Variants in CDKAL1 observed in about 807,000 individuals in gnomAD.
CDKAL1 encodes threonylcarbamoyladenosine tRNA methylthiotransferase.
CDKAL1 carries 32 observed loss-of-function variants against 68.2 expected under a neutral mutation model. That is an observed-to-expected ratio of 0.47 (90% CI 0.35 to 0.63). The LOEUF (loss-of-function observed/expected upper bound fraction) is 0.63, where lower values mean the gene tolerates loss of function less well. Ranked by LOEUF, CDKAL1 falls within the 30% of genes least tolerant of loss-of-function variation. The probability of loss-of-function intolerance (pLI) is 0.00; values close to 1 mark genes in which losing one functional copy is unlikely to be tolerated. For missense variants in CDKAL1, 606 were observed against 696.7 expected, an observed-to-expected ratio of 0.87 and a Z score of 1.47; for synonymous variants, 234 against 244.3, an observed-to-expected ratio of 0.96 and a Z score of 0.39.
intron 12 of CDKAL1, among the ~76,000 whole-genome samples, chr6:21,082,807 T>C (rs912515097): frequency 3.3e-5 from 5 of 152,038 alleles, no homozygotes; most frequent in Admixed American, 6.6e-5. Context: ...AATAATTGCA[T>C]ATATATAATG....
At chr6:20,576,180 A>C (rs909106774) in intron 4 of CDKAL1, among the ~76,000 whole-genome samples, 3 of 152,240 alleles carry the variant, frequency 2.0e-5, no homozygotes, top group African/African-American at 7.2e-5. Flanking sequence ...AAGAATAAAT[A>C]GCTGAGTTAT....
intron 9 of CDKAL1, among the ~76,000 whole-genome samples, chr6:20,905,556 T>C (rs1381571366): frequency 6.6e-6 from 1 of 152,244 alleles, no homozygotes; most frequent in Admixed American, 6.5e-5. Flanking sequence ...CTTCCCACAT[T>C]TGATGAAAGA....
chr6:20,862,334 T>G (rs1401297424), intron 9 of CDKAL1, among the ~76,000 whole-genome samples: 41 of 152,190 alleles, frequency 2.7e-4, no homozygotes, highest in Admixed American at 2.7e-3. Context: ...AAAACCAGAA[T>G]AGGTTCAATT....
At chr6:21,178,763 C>A (rs1293589567) in intron 13 of CDKAL1, among the ~76,000 whole-genome samples, 2 of 152,180 alleles carry the variant, frequency 1.3e-5, no homozygotes, top group East Asian at 3.8e-4. Flanking sequence ...AGGGATAGCA[C>A]CTGCTCTCAT....
chr6:21,004,495 C>T (rs1004336348), intron 11 of CDKAL1, among the ~76,000 whole-genome samples: 1 of 152,162 alleles, frequency 6.6e-6, no homozygotes, highest in Non-Finnish European at 1.5e-5. Context: ...CATGAGCAAT[C>T]ATATGACTTA....
chr6:20,848,536 G>A (rs953946804), intron 9 of CDKAL1, among the ~76,000 whole-genome samples: 4 of 152,088 alleles, frequency 2.6e-5, no homozygotes, highest in African/African-American at 7.2e-5. Context: ...TAGTTAAGGC[G>A]AGTGATTCAA....
chr6:20,786,408 T>C (rs1012400479), intron 8 of CDKAL1, among the ~76,000 whole-genome samples: 6 of 151,964 alleles, frequency 3.9e-5, no homozygotes, highest in African/African-American at 1.2e-4. Context: ...GGAGTCAACA[T>C]GTGCATGAAT....
chr6:20,888,535 A>G (rs1207125274), intron 9 of CDKAL1, among the ~76,000 whole-genome samples: 2 of 52,324 alleles, frequency 3.8e-5, no homozygotes, highest in Non-Finnish European at 6.8e-5. Context: ...CCCACCCCAC[A>G]ACAGTCCCCG....
At chr6:20,580,842 T>C (rs1397954114) in intron 4 of CDKAL1, among the ~76,000 whole-genome samples, 2 of 152,054 alleles carry the variant, frequency 1.3e-5, no homozygotes, top group African/African-American at 2.4e-5. Flanking sequence ...CAGGCTGAAG[T>C]GCAATGGTGC....
At chr6:20,852,377 C>A (rs1759063923) in intron 9 of CDKAL1, among the ~76,000 whole-genome samples, 1 of 152,080 alleles carries the variant, frequency 6.6e-6, no homozygotes, top group Admixed American at 6.6e-5. Context: ...TGCATTCTTT[C>A]CTAAGAGACA....
chr6:21,003,371 TACACAC>T (rs55839331), intron 11 of CDKAL1, among the ~76,000 whole-genome samples: 11 of 49,286 alleles, frequency 2.2e-4, no homozygotes, highest in Admixed American at 2.9e-4. Context: ...TATATATATA[TACACAC>T]ACACACACAC....
intron 4 of CDKAL1, among the ~76,000 whole-genome samples, chr6:20,631,849 G>A (rs143261257): frequency 4.6e-5 from 7 of 152,282 alleles, no homozygotes; most frequent in Non-Finnish European, 7.3e-5. Flanking sequence ...GCCCAAACTC[G>A]TGCCTGGAAG....
At chr6:20,684,301 G>A (rs753840395) in intron 5 of CDKAL1, among the ~76,000 whole-genome samples, 20 of 152,180 alleles carry the variant, frequency 1.3e-4, no homozygotes, top group Admixed American at 3.9e-4. Context: ...AATTAGCTGG[G>A]CGTGGTGGCA....
chr6:21,012,923 G>A (rs1768103271), intron 11 of CDKAL1, among the ~76,000 whole-genome samples: 3 of 152,316 alleles, frequency 2.0e-5, no homozygotes, highest in Middle Eastern at 3.4e-3. Flanking sequence ...CACAAACTTA[G>A]TAGCCTTTTA....
chr6:20,569,367 C>G (rs1764606988), intron 4 of CDKAL1, among the ~76,000 whole-genome samples: 1 of 152,190 alleles, frequency 6.6e-6, no homozygotes, highest in Non-Finnish European at 1.5e-5. Context: ...TCAGTTGGTT[C>G]TTTTAATTTT....
chr6:20,768,432 C>A (rs962740221), intron 7 of CDKAL1, among the ~76,000 whole-genome samples: 1 of 152,168 alleles, frequency 6.6e-6, no homozygotes, highest in Non-Finnish European at 1.5e-5. Flanking sequence ...ATGTGACTAG[C>A]CTTTATCTCG....
chr6:21,162,311 A>G (rs1433621985), intron 13 of CDKAL1, among the ~76,000 whole-genome samples: 1 of 152,212 alleles, frequency 6.6e-6, no homozygotes, highest in East Asian at 1.9e-4. Flanking sequence ...TCTCCTTGTT[A>G]ACTCCTAATT....
chr6:20,915,630 C>T (rs1762690401), intron 9 of CDKAL1, among the ~76,000 whole-genome samples: 2 of 152,136 alleles, frequency 1.3e-5, no homozygotes, highest in Admixed American at 1.3e-4. Context: ...CATAGTCTAG[C>T]CAGCTTGGAT....
chr6:21,064,571 T>C (rs1005057824), intron 11 of CDKAL1, among the ~76,000 whole-genome samples: 2 of 152,170 alleles, frequency 1.3e-5, no homozygotes, highest in Non-Finnish European at 2.9e-5. Flanking sequence ...AAATTACACA[T>C]TGTGGAAAAA....
Sources: allele counts gnomAD v4.1 joint callset (sites outside exome capture counted in the v4.1 genomes callset), GRCh38; gene constraint gnomAD v4.1.1; transcripts MANE v1.5; gene names NCBI Gene and HGNC (gene_info 2026-07-23, HGNC 2026-07-21).